Variants in RARB observed in about 807,000 individuals in gnomAD.
RARB encodes the protein retinoic acid receptor beta.
In RARB, 17 loss-of-function variants were observed where a neutral mutation model predicts 51.9. The observed-to-expected ratio is 0.33, with a 90% confidence interval of 0.22 to 0.49. The LOEUF (loss-of-function observed/expected upper bound fraction) is 0.49, where lower values mean the gene tolerates loss of function less well. Ranked by LOEUF, RARB falls within the 20% of genes least tolerant of loss-of-function variation. The pLI is 0.99. For synonymous variants in RARB, 215 were observed against 195.4 expected (o/e 1.10, Z -0.84); for missense variants, 369 against 550.8 (o/e 0.67, Z 3.30).
At chr3:25,095,954 C>T (rs1699285760) in intron 3 of RARB, among the ~76,000 whole-genome samples, 1 of 152,116 alleles carries the variant, frequency 6.6e-6, no homozygotes, top group Non-Finnish European at 1.5e-5. Flanking sequence ...AGAAAGCAGG[C>T]TCCACCGCCG....
intron 2 of RARB, among the ~76,000 whole-genome samples, chr3:25,494,339 C>T (rs1034311223): frequency 6.6e-6 from 1 of 151,608 alleles, no homozygotes; most frequent in African/African-American, 2.4e-5. Context: ...CTTTCTTACT[C>T]CTGATCTCTG....
At chr3:25,175,797 C>G in intron 5 of RARB, among the ~76,000 whole-genome samples, 1 of 152,138 alleles carries the variant, frequency 6.6e-6, no homozygotes, top group East Asian at 1.9e-4. Flanking sequence ...ACATTTGACC[C>G]TCATGTCTCT....
intron 2 of RARB, among the ~76,000 whole-genome samples, chr3:24,936,929 A>G (rs968147740): frequency 2.0e-5 from 3 of 152,184 alleles, no homozygotes; most frequent in Admixed American, 6.5e-5. Context: ...CAAAATTCCA[A>G]AGGAAAAGGC....
chr3:25,015,739 A>G (rs532024799), intron 2 of RARB, among the ~76,000 whole-genome samples: 62 of 152,294 alleles, frequency 4.1e-4, no homozygotes, highest in African/African-American at 1.4e-3. Context: ...TCAGACAGGA[A>G]GTAGATTTAG....
chr3:25,200,271 T>C (rs1701356968), intron 5 of RARB, among the ~76,000 whole-genome samples: 1 of 152,078 alleles, frequency 6.6e-6, no homozygotes, highest in Non-Finnish European at 1.5e-5. Flanking sequence ...TTCATATCAT[T>C]TGCCCACTTT....
intron 5 of RARB, among the ~76,000 whole-genome samples, chr3:25,420,006 G>A (rs1295146079): frequency 1.3e-5 from 2 of 152,140 alleles, no homozygotes; most frequent in African/African-American, 4.8e-5. Context: ...TGTTGAGAAG[G>A]TGGGTTTATA....
intron 5 of RARB, among the ~76,000 whole-genome samples, chr3:25,308,998 C>T (rs1260286884): frequency 2.0e-5 from 3 of 152,092 alleles, no homozygotes; most frequent in Non-Finnish European, 4.4e-5. Flanking sequence ...TTGGGGAAAC[C>T]ACATCACTGT....
intron 5 of RARB, among the ~76,000 whole-genome samples, chr3:25,371,551 G>A (rs995840657): frequency 3.7e-4 from 57 of 152,302 alleles, no homozygotes; most frequent in Middle Eastern, 3.4e-3. Context: ...GAATTTTCAA[G>A]CCAGTAGAAA....
intron 1 of RARB, among the ~76,000 whole-genome samples, chr3:25,450,396 A>G (rs1423102879): frequency 1.3e-5 from 2 of 152,178 alleles, no homozygotes; most frequent in Non-Finnish European, 2.9e-5. Context: ...CGTGGTTGTC[A>G]TCTCAATTTT....
chr3:24,895,316 A>C (rs979069810), intron 2 of RARB, among the ~76,000 whole-genome samples: 4 of 152,188 alleles, frequency 2.6e-5, no homozygotes, highest in African/African-American at 9.7e-5. Flanking sequence ...TATTACTTTT[A>C]TTAATCCCTA....
At chr3:25,528,795 C>A (rs1222386873) in intron 3 of RARB, among the ~76,000 whole-genome samples, 1 of 152,076 alleles carries the variant, frequency 6.6e-6, no homozygotes, top group East Asian at 1.9e-4. Flanking sequence ...ACAGAGTAGT[C>A]TGATGTGTCC....
intron 2 of RARB, among the ~76,000 whole-genome samples, chr3:24,975,630 T>C (rs1195257441): frequency 6.6e-6 from 1 of 152,210 alleles, no homozygotes; most frequent in African/African-American, 2.4e-5. Flanking sequence ...CCAGCAGTTT[T>C]ATCTGACTCC....
At chr3:25,031,096 A>C (rs771862772) in intron 2 of RARB, among the ~76,000 whole-genome samples, 1 of 152,174 alleles carries the variant, frequency 6.6e-6, no homozygotes, top group African/African-American at 2.4e-5. Context: ...CGTGCATTGT[A>C]GGATGTTGAG....
intron 2 of RARB, among the ~76,000 whole-genome samples, chr3:24,863,620 C>G (rs1039749911): frequency 2.6e-5 from 4 of 151,870 alleles, no homozygotes; most frequent in African/African-American, 9.7e-5. Context: ...TACGCCTGGC[C>G]TGTTCATAAA....
intron 2 of RARB, among the ~76,000 whole-genome samples, chr3:24,983,725 C>A (rs9857350): frequency 0.75 from 114,454 of 151,966 alleles, 43,513 homozygotes; most frequent in East Asian, 0.93. Context: ...AAAAAAATGG[C>A]CCTTTGGTCT....
At chr3:25,468,482 G>A (rs575189220) in intron 2 of RARB, among the ~76,000 whole-genome samples, 10 of 150,156 alleles carry the variant, frequency 6.7e-5, no homozygotes, top group South Asian at 4.2e-4. Flanking sequence ...CAGAGGGTCC[G>A]AGTAGTTAAG....
chr3:25,073,972 A>G (rs73149174), intron 3 of RARB, among the ~76,000 whole-genome samples: 1 of 152,180 alleles, frequency 6.6e-6, no homozygotes, highest in East Asian at 1.9e-4. Flanking sequence ...AAAATAGTCT[A>G]TGCCTCAGTA....
Position 25,007,375 on chromosome 3 carries a change from C to A in RARB, c.-379-52750C>A, listed in dbSNP as rs189264548. Among the ~76,000 whole-genome samples, 5 of 152,042 alleles carry A rather than the reference C, an allele frequency of 3.3e-5. No homozygotes were observed. In the East Asian group the frequency reaches 9.7e-4, roughly 29 times the overall value. On this transcript the variant is annotated intron_variant, in intron 2 of 11. Transcript: ENST00000383772. The stretch of plus-strand genomic sequence containing the variant: ...GTGTAGTGGCTCACGCCTGTAATCC[C>A]AGCACTTTAGGAGGCCGAGGTGGGT...
chr3:24,858,232 T>A (rs2125339951), intron 1 of RARB, among the ~76,000 whole-genome samples: 1 of 152,310 alleles, frequency 6.6e-6, no homozygotes, highest in Admixed American at 6.5e-5. Flanking sequence ...AACATGTTTT[T>A]TTTTTCTTCT....
Sources: gnomAD v4.1 joint callset for allele counts (sites outside exome capture counted in the v4.1 genomes callset) on GRCh38, gnomAD v4.1.1 for gene constraint, MANE v1.5 for transcripts, NCBI Gene and HGNC (gene_info 2026-07-23, HGNC 2026-07-21) for gene names.